Variants in OR2L3 observed in about 807,000 individuals in gnomAD.
OR2L3 encodes olfactory receptor 2L3.
For missense variants in OR2L3, 369 were observed against 376.6 expected (o/e 0.98, Z 0.17); for synonymous variants, 131 against 139.1 (o/e 0.94, Z 0.41).
At chr1:248,048,923 C>CTCT (rs1553278770) in intron 1 of OR2L3, among the ~76,000 whole-genome samples, 9 of 141,694 alleles carry the variant, frequency 6.4e-5, no homozygotes, top group African/African-American at 2.1e-4. Flanking sequence ...TTCTCTCTCT[C>CTCT]TTTTTTTTTT....
intron 1 of OR2L3, among the ~76,000 whole-genome samples, chr1:248,058,637 G>T (rs115408587): frequency 0.017 from 2,534 of 151,954 alleles, 81 homozygotes; most frequent in African/African-American, 0.057. Context: ...CGAGGAAATA[G>T]AATTTTTATA....
intron 1 of OR2L3, among the ~76,000 whole-genome samples, chr1:248,056,948 C>T (rs73145253): frequency 0.18 from 26,963 of 151,036 alleles, 2,725 homozygotes; most frequent in East Asian, 0.28. Flanking sequence ...CTGTGCCTGG[C>T]CTTGAGGGGG....
intron 1 of OR2L3, chr1:248,055,972 T>C (rs1354351896): frequency 6.6e-6 from 1 of 152,228 alleles, no homozygotes; most frequent in Non-Finnish European, 1.5e-5. Context: ...TATTTAGGGA[T>C]TCAAATTCTT....
intron 1 of OR2L3, among the ~76,000 whole-genome samples, chr1:248,058,182 G>A (rs189896332): frequency 9.9e-5 from 15 of 152,188 alleles, no homozygotes; most frequent in Admixed American, 2.6e-4. Flanking sequence ...CAGACCACAG[G>A]GTAAAATGTT....
At chr1:248,057,967 CTTGT>C (rs1309881078) in intron 1 of OR2L3, among the ~76,000 whole-genome samples, 3 of 151,862 alleles carry the variant, frequency 2.0e-5, no homozygotes, top group Non-Finnish European at 2.9e-5. Flanking sequence ...TATTTCTTTT[CTTGT>C]TTAATTGTTT....
chr1:248,061,793 C>A lies in OR2L3; in HGVS notation c.*173C>A. The A allele has an allele frequency of 2.1e-6, 1 of 485,994 alleles. No individual in the cohort carries two copies. Among genetic ancestry groups the A allele is most frequent in the Non-Finnish European group, 3.4e-6 (1 of 291,052 alleles). The allele number at this position is 485,994 out of a possible 1,614,324, so 30.1% of individuals were successfully genotyped here. A position where few individuals can be genotyped will look rare whatever the true frequency, so the allele number is the denominator to read the frequency against. On this transcript the variant is annotated 3_prime_UTR_variant, in exon 2 of 2. Coordinates refer to ENST00000359959, the MANE Select transcript of OR2L3 (RefSeq NM_001004687.2). Reference sequence around the variant, plus strand: ...TTTACATATATATGTATATATAACTCCAAACAACCTTTTTTCTTCATGGCA... The same window carrying A: ...TTTACATATATATGTATATATAACTACAAACAACCTTTTTTCTTCATGGCA...
At chr1:248,049,734 A>G (rs1053648145) in intron 1 of OR2L3, among the ~76,000 whole-genome samples, 4 of 152,128 alleles carry the variant, frequency 2.6e-5, no homozygotes, top group African/African-American at 9.7e-5. Context: ...TTTTTGTTTT[A>G]ATAATTTTTT....
Position 248,061,816 on chromosome 1 carries a change from G to T in OR2L3, c.*196G>T. 2.3e-6 allele frequency: 1 copy of T among 435,928 alleles called. No homozygotes were observed. The highest frequency in any genetic ancestry group is 3.9e-6 in the Non-Finnish European group (1 of 254,384). 27.0% of individuals were successfully genotyped at this position (435,928 alleles called of 1,614,324 possible). A position where few individuals can be genotyped will look rare whatever the true frequency, so the allele number is the denominator to read the frequency against. ...CTCCAAACAACCTTTTTTCTTCATG[G>T]CATTGTTTCCATAAATTTTGAAAGC... is the stretch of plus-strand genomic sequence containing the variant. On this transcript the variant is annotated 3_prime_UTR_variant, in exon 2 of 2. Coordinates refer to ENST00000359959, the MANE Select transcript of OR2L3 (RefSeq NM_001004687.2).
chr1:248,062,452 G>C lies in OR2L3; in HGVS notation c.*832G>C, dbSNP rs887947938. 5 of 152,112 alleles carry C rather than the reference G, an allele frequency of 3.3e-5. No individual in the cohort carries two copies. Among genetic ancestry groups the C allele is most frequent in the African/African-American group, 1.2e-4 (5 of 41,404 alleles). The allele number at this position is 152,112 out of a possible 1,614,324, so 9.4% of individuals were successfully genotyped here. ...CCCAATGAACAGTCTTGGGTCTGTT[G>C]TCAAAAATCAGTTGCACAGAAAGGT... is the stretch of plus-strand genomic sequence containing the variant. On this transcript the variant is annotated 3_prime_UTR_variant, in exon 2 of 2. Coordinates refer to ENST00000359959, the MANE Select transcript of OR2L3 (RefSeq NM_001004687.2).
intron 1 of OR2L3, among the ~76,000 whole-genome samples, chr1:248,056,152 C>A (rs555130305): frequency 5.6e-4 from 85 of 152,054 alleles, no homozygotes; most frequent in African/African-American, 2.0e-3. Flanking sequence ...TCATTGGAAT[C>A]TTCTCTCTTT....
Position 248,061,671 on chromosome 1 carries a change from G to A in OR2L3, c.*51G>A, listed in dbSNP as rs763834579. On this transcript the variant is annotated 3_prime_UTR_variant, in exon 2 of 2. Transcript: ENST00000359959. ...GACTCAGATACACATCCATCCAGCA[G>A]TGTATAGTAATTAAAATATTATTTC... 1 of 1,444,800 alleles carries A rather than the reference G, an allele frequency of 6.9e-7. No individual in the cohort carries two copies. The highest frequency in any genetic ancestry group is 9.4e-7 in the Non-Finnish European group (1 of 1,068,068). The allele number at this position is 1,444,800 out of a possible 1,614,324, so 89.5% of individuals were successfully genotyped here.
At chr1:248,050,052 G>A (rs541429653) in intron 1 of OR2L3, among the ~76,000 whole-genome samples, 26 of 152,176 alleles carry the variant, frequency 1.7e-4, no homozygotes, top group Admixed American at 4.6e-4. Context: ...ATAGAATCAC[G>A]GAACGAATCC....
At chr1:248,056,672 C>CTT (rs36123035) in intron 1 of OR2L3, among the ~76,000 whole-genome samples, 2,356 of 135,054 alleles carry the variant, frequency 0.017, 50 homozygotes, top group African/African-American at 0.02. Context: ...TTTGAGGGGG[C>CTT]TTTTTTTTTT....
At chr1:248,057,226 A>G (rs1262917808) in intron 1 of OR2L3, among the ~76,000 whole-genome samples, 3 of 152,096 alleles carry the variant, frequency 2.0e-5, no homozygotes, top group Non-Finnish European at 2.9e-5. Flanking sequence ...TCTAATAGTG[A>G]CGGTGGGGTA....
intron 1 of OR2L3, among the ~76,000 whole-genome samples, chr1:248,047,247 G>C (rs547498948): frequency 3.9e-5 from 6 of 152,170 alleles, no homozygotes; most frequent in African/African-American, 1.4e-4. Flanking sequence ...GGTGTTTTGT[G>C]CTATTTTGGT....
chr1:248,048,979 C>T (rs1312056535), intron 1 of OR2L3, among the ~76,000 whole-genome samples: 2 of 148,448 alleles, frequency 1.3e-5, no homozygotes, highest in East Asian at 2.0e-4. Flanking sequence ...AATGATCATA[C>T]CAACTTTAAG....
chr1:248,054,795 T>C (rs1663380135), intron 1 of OR2L3, among the ~76,000 whole-genome samples: 1 of 152,236 alleles, frequency 6.6e-6, no homozygotes, highest in African/African-American at 2.4e-5. Context: ...TGATTTTGTA[T>C]CCTGAGAGTT....
At chr1:248,048,681 A>AT (rs1361807355) in intron 1 of OR2L3, among the ~76,000 whole-genome samples, 1 of 152,064 alleles carries the variant, frequency 6.6e-6, no homozygotes, top group African/African-American at 2.4e-5. Context: ...CTGTTCCACC[A>AT]TTTCCCAGCC....
In OR2L3 at chr1:248,060,929, A is replaced by G. The variant is rs370733341; in HGVS notation, c.248A>G (p.Asp83Gly). 1 of 1,613,756 alleles carries G rather than the reference A, an allele frequency of 6.2e-7. No individual in the cohort carries two copies. Among genetic ancestry groups the G allele is most frequent in the Non-Finnish European group, 8.5e-7 (1 of 1,179,848 alleles). The stretch of plus-strand genomic sequence containing the variant: ...ACCATTGTTCCTAAGATGGCATCTG[A>G]TTTTCTGTCTGGTAACAAGTCTATC... ...ISTIVPKMAS[D>G]FLSGNKSISF... Residue 83 changes from aspartate (D) to glycine (G), a missense_variant, in exon 2 of 2, where the codon GAT (aspartate) becomes GGT (glycine). Transcript: ENST00000359959.
Sources: allele counts gnomAD v4.1 joint callset (sites outside exome capture counted in the v4.1 genomes callset), GRCh38; gene constraint gnomAD v4.1.1; transcripts MANE v1.5; gene names NCBI Gene and HGNC (gene_info 2026-07-23, HGNC 2026-07-21).